The following MEGF6 variants were observed in gnomAD, a reference collection of about 807,000 sequenced individuals.
MEGF6 encodes multiple epidermal growth factor-like domains protein 6.
MEGF6 carries 184 observed loss-of-function variants against 207.1 expected under a neutral mutation model. That is an observed-to-expected ratio of 0.89 (90% CI 0.79 to 1.00). MEGF6 has a LOEUF of 1.00. Ranked by LOEUF, MEGF6 falls within the 50% of genes least tolerant of loss-of-function variation. MEGF6 has a pLI of 0.00. For synonymous variants in MEGF6, 1,038 were observed against 910.0 expected (o/e 1.14, Z -2.53); for missense variants, 2,282 against 2,202.9 (o/e 1.04, Z -0.72).
chr1:3,544,433 T>C (rs76554014), intron 4 of MEGF6, among the ~76,000 whole-genome samples: 11,767 of 124,798 alleles, frequency 0.094, 1,146 homozygotes, highest in African/African-American at 0.36. Flanking sequence ...GCAGGGGCCC[T>C]CGGGGGCCTC....
At chr1:3,615,969 G>GA (rs1435019517), upstream of MEGF6, among the ~76,000 whole-genome samples, 1 of 152,228 alleles carries the variant, frequency 6.6e-6, no homozygotes, top group Non-Finnish European at 1.5e-5. Flanking sequence ...TAGCTTGCCT[G>GA]AAAAGCATTA....
In MEGF6 at chr1:3,579,140, G is replaced by A. The variant is rs150365069; in HGVS notation, c.481+685C>T. Among the ~76,000 whole-genome samples, 453 of 152,372 alleles carry A rather than the reference G, an allele frequency of 3.0e-3. 1 individual carries two copies. Among genetic ancestry groups the A allele is most frequent in the Middle Eastern group, 0.01 (3 of 294 alleles). ...CCGTGGCTCAGGCTGTCTGAGGCCA[G>A]GATGAAGAAACCCGGGACAGAGCAG... is the stretch of plus-strand genomic sequence containing the variant. On this transcript the variant is annotated intron_variant, in intron 4 of 36. Transcript: ENST00000356575.
intron 4 of MEGF6, among the ~76,000 whole-genome samples, chr1:3,563,630 G>C (rs911975485): frequency 1.3e-5 from 2 of 152,252 alleles, no homozygotes; most frequent in Admixed American, 6.5e-5. Context: ...TCACTCATGA[G>C]CTGGGTTTGG....
chr1:3,494,515 G>C lies in MEGF6; in HGVS notation c.4001-16C>G, dbSNP rs746504170. The C allele has an allele frequency of 5.0e-6, 8 of 1,585,014 alleles. No homozygotes were observed. Among genetic ancestry groups the C allele is most frequent in the East Asian group, 4.6e-5 (2 of 43,544 alleles). On this transcript the variant is annotated splice_polypyrimidine_tract_variant and intron_variant, in intron 31 of 36. Transcript: ENST00000356575. ...GGGGGACAGGCTGGGGACAGGGCAG[G>C]GTGGGCAGTCCTTCGGCACCAGCCT...
intron 1 of MEGF6, among the ~76,000 whole-genome samples, chr1:3,610,547 C>T (rs1475179322): frequency 1.3e-5 from 2 of 152,190 alleles, no homozygotes; most frequent in Non-Finnish European, 2.9e-5. Context: ...GATTGATTTG[C>T]TGTTCATGAG....
intron 1 of MEGF6, among the ~76,000 whole-genome samples, chr1:3,608,045 G>A (rs1052359032): frequency 6.6e-6 from 1 of 152,146 alleles, no homozygotes; most frequent in Non-Finnish European, 1.5e-5. Context: ...AGTTGGGGGG[G>A]CTCGCTCAGG....
At chr1:3,610,059 G>A (rs1644304337) in intron 1 of MEGF6, among the ~76,000 whole-genome samples, 1 of 152,382 alleles carries the variant, frequency 6.6e-6, no homozygotes, top group East Asian at 1.9e-4. Context: ...TCACAGGAAA[G>A]AGGAATGTCC....
intron 1 of MEGF6, among the ~76,000 whole-genome samples, chr1:3,610,560 A>C (rs1293717387): frequency 6.6e-6 from 1 of 152,214 alleles, no homozygotes; most frequent in African/African-American, 2.4e-5. Flanking sequence ...TTCATGAGAG[A>C]CCGCTAAACG....
At chr1:3,584,863 A>G (rs1643870858) in intron 3 of MEGF6, among the ~76,000 whole-genome samples, 1 of 152,252 alleles carries the variant, frequency 6.6e-6, no homozygotes, top group African/African-American at 2.4e-5. Flanking sequence ...CACCCCCTGG[A>G]TGGGGCTCCC....
chr1:3,509,151 G>A lies in MEGF6; in HGVS notation c.1452C>T (p.Leu484=). Residue 484 remains leucine (L), a synonymous_variant, in exon 12 of 37, where the codon CTC becomes CTT. Coordinates refer to ENST00000356575, the MANE Select transcript of MEGF6 (RefSeq NM_001409.4). ...IAVLQDELPQ[L]FQDDDVGADE... ...CGGCCCCGACGTCGTCATCCTGGAA[G>A]AGTTGCGGCAGCTCGTCCTGGAGCA... The A allele has an allele frequency of 6.3e-7, 1 of 1,590,054 alleles. No individual in the cohort carries two copies. The highest frequency in any genetic ancestry group is 2.3e-5 in the East Asian group (1 of 43,404).
intron 4 of MEGF6, among the ~76,000 whole-genome samples, chr1:3,541,224 C>T (rs552626854): frequency 4.1e-4 from 62 of 152,378 alleles, no homozygotes; most frequent in Admixed American, 1.2e-3. Context: ...CAGCACTGAG[C>T]GTCACAGAGC....
At chr1:3,604,438 C>G (rs1308711839) in intron 1 of MEGF6, among the ~76,000 whole-genome samples, 1 of 152,196 alleles carries the variant, frequency 6.6e-6, no homozygotes, top group Non-Finnish European at 1.5e-5. Flanking sequence ...GAAGCCTCCG[C>G]AGCAATGGGG....
chr1:3,501,760 T>TA, intron 18 of MEGF6, 36 bp downstream of exon 18: 1 of 1,604,898 alleles, frequency 6.2e-7, no homozygotes, highest in Non-Finnish European at 8.5e-7. Context: ...CCGTGCAGCC[T>TA]GGGGAGGCGG....
Position 3,595,352 on chromosome 1 carries a change from T to TC in MEGF6, c.361dup (p.Glu121GlyfsTer7), listed in dbSNP as rs1397326845. 1.3e-6 allele frequency: 2 copies of TC among 1,595,688 alleles called. No individual in the cohort carries two copies. The highest frequency in any genetic ancestry group is 1.7e-6 in the Non-Finnish European group (2 of 1,166,510). On this transcript the variant is annotated frameshift_variant, in exon 3 of 37. Transcript: ENST00000356575. LOFTEE classifies it high-confidence loss of function. ...GCGGCACTCACCCGAGAGGCAGCCCTCCTCGTCGGGCTGCTGCATCCACCC... is the reference window on the plus strand; with the variant it reads ...GCGGCACTCACCCGAGAGGCAGCCCTCCCTCGTCGGGCTGCTGCATCCACCC...
chr1:3,526,593 T>C (rs952340412), intron 4 of MEGF6, among the ~76,000 whole-genome samples: 10 of 152,134 alleles, frequency 6.6e-5, no homozygotes, highest in African/African-American at 2.4e-4. Flanking sequence ...GAGACAGGGT[T>C]TCGCCATGTT....
intron 29 of MEGF6, 140 bp from the exon 30 acceptor site, chr1:3,496,158 C>T: frequency 1.6e-6 from 2 of 1,256,948 alleles, no homozygotes; most frequent in Non-Finnish European, 2.1e-6. Flanking sequence ...AGCCAACTCT[C>T]ATGCACCCAC....
the MEGF6 span, among the ~76,000 whole-genome samples, chr1:3,619,355 A>T: frequency 6.6e-6 from 1 of 152,364 alleles, no homozygotes; most frequent in Admixed American, 6.5e-5. Flanking sequence ...ACGTTCCATC[A>T]TGCACGTGTG....
chr1:3,503,244 C>T (rs2100970735), intron 17 of MEGF6, among the ~76,000 whole-genome samples: 1 of 152,336 alleles, frequency 6.6e-6, no homozygotes, highest in Middle Eastern at 3.4e-3. Flanking sequence ...CTGGCACTCA[C>T]CGTGCCCTAG....
chr1:3,547,568 A>G (rs1020888639), intron 4 of MEGF6, among the ~76,000 whole-genome samples: 1 of 151,846 alleles, frequency 6.6e-6, no homozygotes, highest in East Asian at 1.9e-4. Context: ...TTTCACTGTC[A>G]CCTGCACAGC....
Sources: gnomAD v4.1 joint callset for allele counts (sites outside exome capture counted in the v4.1 genomes callset) on GRCh38, gnomAD v4.1.1 for gene constraint, MANE v1.5 for transcripts, NCBI Gene and HGNC (gene_info 2026-07-23, HGNC 2026-07-21) for gene names.